Variants in ERBB4 observed in about 807,000 individuals in gnomAD.
ERBB4 encodes receptor tyrosine-protein kinase erbB-4.
Under a neutral mutation model 158.0 loss-of-function variants are expected in ERBB4, and 42 were observed. The ratio of observed to expected loss-of-function variants is 0.27; its 90% CI spans 0.21 to 0.34. The LOEUF (loss-of-function observed/expected upper bound fraction) is 0.34. Ranked by LOEUF, ERBB4 falls within the 10% of genes least tolerant of loss-of-function variation. The pLI is 1.00. For synonymous variants in ERBB4, 583 were observed against 558.7 expected (o/e 1.04, Z -0.61); for missense variants, 1,333 against 1,624.1 (o/e 0.82, Z 3.08).
intron 3 of ERBB4, among the ~76,000 whole-genome samples, chr2:211,888,742 G>A (rs1009769851): frequency 2.0e-5 from 3 of 152,150 alleles, no homozygotes; most frequent in East Asian, 1.9e-4. Context: ...CCTGGGAAGC[G>A]CGAGGGGTCA....
At chr2:211,908,492 GA>G (rs2079456077) in intron 3 of ERBB4, among the ~76,000 whole-genome samples, 1 of 151,442 alleles carries the variant, frequency 6.6e-6, no homozygotes, top group African/African-American at 2.4e-5. Context: ...ATCTACTGTG[GA>G]AAAAATCGTA....
rs1323681049 is a variant in ERBB4, at chr2:211,384,810, AT to A, written c.3482-751del. 3.9e-5 allele frequency among the ~76,000 whole-genome samples: 6 copies of A among 152,250 alleles called. No individual in the cohort carries two copies. In the East Asian group the frequency reaches 1.2e-3, roughly 29 times the overall value. ...GCTTGAATTATATAAAATAAAATAA[AT>A]TTTGTATATTGAAACCAGTCAATTA... On this transcript the variant is annotated intron_variant, in intron 27 of 27. Coordinates refer to ENST00000342788, the MANE Select transcript of ERBB4 (RefSeq NM_005235.3).
At chr2:211,929,344 CA>C (rs1357272261) in intron 3 of ERBB4, among the ~76,000 whole-genome samples, 2 of 151,542 alleles carry the variant, frequency 1.3e-5, no homozygotes, top group Non-Finnish European at 2.9e-5. Flanking sequence ...TTTCTCTTGG[CA>C]GTATGTTTCA....
At chr2:211,687,021 C>T (rs557757457) in intron 12 of ERBB4, among the ~76,000 whole-genome samples, 25 of 151,952 alleles carry the variant, frequency 1.6e-4, no homozygotes, top group African/African-American at 5.8e-4. Context: ...CTGGGCTGGG[C>T]GTGGTGGCTC....
chr2:211,887,916 A>C (rs549611805), intron 3 of ERBB4, among the ~76,000 whole-genome samples: 1 of 152,242 alleles, frequency 6.6e-6, no homozygotes, highest in Middle Eastern at 3.4e-3. Context: ...CTACTTTCCA[A>C]ATGACCCTGA....
chr2:211,477,231 T>C (rs780939155), intron 20 of ERBB4, among the ~76,000 whole-genome samples: 1 of 152,062 alleles, frequency 6.6e-6, no homozygotes, highest in Non-Finnish European at 1.5e-5. Flanking sequence ...GACTCCAGCC[T>C]GCCAGCCCTA....
intron 16 of ERBB4, among the ~76,000 whole-genome samples, chr2:211,656,730 T>C (rs1289931536): frequency 6.6e-6 from 1 of 152,040 alleles, no homozygotes; most frequent in Non-Finnish European, 1.5e-5. Flanking sequence ...GCAGTATGTA[T>C]TTTTTTTAAG....
intron 2 of ERBB4, among the ~76,000 whole-genome samples, chr2:211,956,033 TG>T (rs1455445047): frequency 1.1e-4 from 11 of 100,698 alleles, no homozygotes; most frequent in African/African-American, 4.5e-4. Flanking sequence ...CTCTAAAGTG[TG>T]TGTGTGTGTG....
chr2:211,949,488 C>T (rs1456624136), intron 2 of ERBB4, among the ~76,000 whole-genome samples: 1 of 152,106 alleles, frequency 6.6e-6, no homozygotes, highest in Non-Finnish European at 1.5e-5. Flanking sequence ...GAAATGATAA[C>T]ATTTGAGATA....
At chr2:211,925,546 T>A (rs1397787368) in intron 3 of ERBB4, among the ~76,000 whole-genome samples, 1 of 151,754 alleles carries the variant, frequency 6.6e-6, no homozygotes, top group Non-Finnish European at 1.5e-5. Context: ...ACCTGGCTAA[T>A]TTTTTTCTGT....
chr2:212,461,064 G>A (rs1057164180), intron 1 of ERBB4, among the ~76,000 whole-genome samples: 1 of 152,170 alleles, frequency 6.6e-6, no homozygotes, highest in African/African-American at 2.4e-5. Context: ...GAAGTTTGCT[G>A]CAGGGGAAGG....
At chr2:212,266,970 T>C (rs766558442) in intron 1 of ERBB4, among the ~76,000 whole-genome samples, 4 of 152,056 alleles carry the variant, frequency 2.6e-5, no homozygotes, top group Admixed American at 2.0e-4. Flanking sequence ...TCCATAGTTA[T>C]GTAACTAGTG....
intron 1 of ERBB4, among the ~76,000 whole-genome samples, chr2:212,419,260 A>C (rs6727289): frequency 0.016 from 2,472 of 152,050 alleles, 61 homozygotes; most frequent in African/African-American, 0.055. Context: ...TACGAATGAC[A>C]CTACATGCTG....
At chr2:211,925,376 C>CT (rs71054150) in intron 3 of ERBB4, among the ~76,000 whole-genome samples, 16,925 of 81,620 alleles carry the variant, frequency 0.21, 3,136 homozygotes, top group African/African-American at 0.41. Context: ...AACAAGACTG[C>CT]TTTTTTTTTT....
chr2:212,379,596 C>G (rs973863972), intron 1 of ERBB4, among the ~76,000 whole-genome samples: 1 of 151,446 alleles, frequency 6.6e-6, no homozygotes, highest in Non-Finnish European at 1.5e-5. Flanking sequence ...CCAAGAAGTC[C>G]ATTTCCACAG....
At chr2:212,384,195 A>T (rs1347895174) in intron 1 of ERBB4, among the ~76,000 whole-genome samples, 3 of 151,570 alleles carry the variant, frequency 2.0e-5, no homozygotes, top group Non-Finnish European at 3.0e-5. Flanking sequence ...AGCAATTGTG[A>T]CCCTATCTGT....
At chr2:211,967,699 CA>C (rs1245506990) in intron 2 of ERBB4, among the ~76,000 whole-genome samples, 1 of 152,012 alleles carries the variant, frequency 6.6e-6, no homozygotes, top group Non-Finnish European at 1.5e-5. Context: ...GCAATGGTAT[CA>C]AGCATCAATG....
At chr2:211,996,503 A>G (rs1450364960) in intron 2 of ERBB4, among the ~76,000 whole-genome samples, 1 of 152,218 alleles carries the variant, frequency 6.6e-6, no homozygotes, top group East Asian at 1.9e-4. Context: ...TTACCATAAC[A>G]TAATCAACCA....
At chr2:211,886,329 C>T (rs1043837629) in intron 3 of ERBB4, among the ~76,000 whole-genome samples, 1 of 152,054 alleles carries the variant, frequency 6.6e-6, no homozygotes, top group Non-Finnish European at 1.5e-5. Flanking sequence ...CTAAAGTGTT[C>T]CAGAAGAACA....
Sources: gnomAD v4.1 joint callset for allele counts (sites outside exome capture counted in the v4.1 genomes callset) on GRCh38, gnomAD v4.1.1 for gene constraint, MANE v1.5 for transcripts, NCBI Gene and HGNC (gene_info 2026-07-23, HGNC 2026-07-21) for gene names.